Variants in DNAH8 observed in about 807,000 individuals in gnomAD.
DNAH8 encodes the protein dynein axonemal heavy chain 8.
Under a neutral mutation model 562.1 loss-of-function variants are expected in DNAH8, and 382 were observed. The ratio of observed to expected loss-of-function variants is 0.68; its 90% CI spans 0.63 to 0.74. The LOEUF is 0.74. Among genes scored for constraint, DNAH8 ranks in the 30% least tolerant of loss-of-function variants. DNAH8 has a pLI of 0.00. For synonymous variants in DNAH8, 1,881 were observed against 1,919.4 expected (o/e 0.98, Z 0.52); for missense variants, 5,203 against 5,620.4 (o/e 0.93, Z 2.37).
chr6:39,007,441 A>T (rs1765866478), intron 88 of DNAH8, among the ~76,000 whole-genome samples: 1 of 152,242 alleles, frequency 6.6e-6, no homozygotes, highest in African/African-American at 2.4e-5. Context: ...TAACATCTGG[A>T]CAAGAGACAA....
At chr6:38,921,577 A>G (rs1000590488) in intron 71 of DNAH8, 71 bp downstream of exon 71, 29 of 1,490,880 alleles carry the variant, frequency 1.9e-5, no homozygotes, top group African/African-American at 2.8e-5. Flanking sequence ...TATATTTGGA[A>G]ATCAGGCAAA....
rs549441258 is a variant in DNAH8 at position 38,718,291 on chromosome 6, G to A, written c.-35+2876G>A. 1.1e-3 allele frequency among the ~76,000 whole-genome samples: 168 copies of A among 152,212 alleles called. 1 individual carries two copies. The highest frequency in any genetic ancestry group is 3.9e-3 in the African/African-American group (162 of 41,528). On this transcript the variant is annotated intron_variant, in intron 1 of 92. Transcript: ENST00000327475. ...TTGTATATCTATCTATATATAGTTG[G>A]TAAGATTTTTTCATTTTTGCTACAG...
At chr6:38,913,813 T>C in intron 66 of DNAH8, 36 bp from the exon 67 acceptor site, 5 of 1,442,438 alleles carry the variant, frequency 3.5e-6, no homozygotes, top group Non-Finnish European at 4.9e-6. Flanking sequence ...CATATACCTG[T>C]ACTCAGTAAA....
intron 43 of DNAH8, among the ~76,000 whole-genome samples, chr6:38,861,286 C>T (rs1297865481): frequency 6.6e-6 from 1 of 152,150 alleles, no homozygotes; most frequent in African/African-American, 2.4e-5. Flanking sequence ...CTTTTATATG[C>T]CCAGTGCCAT....
intron 28 of DNAH8, among the ~76,000 whole-genome samples, chr6:38,825,933 A>G (rs1432827947): frequency 6.6e-6 from 1 of 152,194 alleles, no homozygotes. Context: ...TGTGGTGTCA[A>G]ACTCATGCAC....
chr6:38,925,403 A>G (rs1383282491), intron 73 of DNAH8, among the ~76,000 whole-genome samples: 1 of 151,438 alleles, frequency 6.6e-6, no homozygotes, highest in Non-Finnish European at 1.5e-5. Flanking sequence ...TGCTGTGATC[A>G]TGGCTCACAG....
chr6:38,896,318 A>T, intron 60 of DNAH8, 93 bp downstream of exon 60: 1 of 1,067,558 alleles, frequency 9.4e-7, no homozygotes, highest in Non-Finnish European at 1.4e-6. Context: ...GAGTTGCTAT[A>T]ATTCCAGCAC....
intron 42 of DNAH8, among the ~76,000 whole-genome samples, chr6:38,858,300 C>T (rs76244122): frequency 0.02 from 3,042 of 152,252 alleles, 124 homozygotes; most frequent in African/African-American, 0.069. Context: ...TCCCATTTAA[C>T]TCCTATTGCT....
chr6:38,937,349 T>C (rs1708216974), intron 77 of DNAH8, among the ~76,000 whole-genome samples: 1 of 121,652 alleles, frequency 8.2e-6, no homozygotes, highest in Admixed American at 7.9e-5. Flanking sequence ...GAACTTAAAG[T>C]ATAATAAAAA....
At chr6:38,989,516 G>A (rs1764638190) in intron 87 of DNAH8, among the ~76,000 whole-genome samples, 1 of 152,214 alleles carries the variant, frequency 6.6e-6, no homozygotes, top group African/African-American at 2.4e-5. Flanking sequence ...ACTCAAGGTG[G>A]GAGGGGAGAG....
intron 79 of DNAH8, among the ~76,000 whole-genome samples, chr6:38,939,426 A>G (rs12190140): frequency 0.24 from 35,820 of 152,212 alleles, 5,371 homozygotes; most frequent in Non-Finnish European, 0.34. Context: ...AGGAGACAAA[A>G]GAATGGAATT....
At chr6:38,950,204 G>GTA (rs1761772920) in intron 81 of DNAH8, among the ~76,000 whole-genome samples, 1 of 151,456 alleles carries the variant, frequency 6.6e-6, no homozygotes, top group African/African-American at 2.4e-5. Context: ...GTGTGTGTGT[G>GTA]TGTGTGTGTG....
intron 46 of DNAH8, 40 bp downstream of exon 46, chr6:38,866,717 C>T: frequency 2.5e-6 from 4 of 1,597,540 alleles, no homozygotes; most frequent in Non-Finnish European, 1.7e-6. Flanking sequence ...GCTTTATGTT[C>T]TTTACTTGTT....
Position 38,875,580 on chromosome 6 carries a change from A to T in DNAH8, c.7621-11A>T. The T allele has an allele frequency of 7.0e-7, 1 of 1,430,218 alleles. No homozygotes were observed. The highest frequency in any genetic ancestry group is 9.4e-7 in the Non-Finnish European group (1 of 1,061,176). 88.6% of individuals were successfully genotyped at this position (1,430,218 alleles called of 1,614,324 possible). A position where few individuals can be genotyped will look rare whatever the true frequency, so the allele number is the denominator to read the frequency against. Reference sequence around the variant, plus strand: ...TAATTTAAAAATTTATTTTATTTGAAACATTTTCAGTCTCTCAATCTTCTG... The same window carrying T: ...TAATTTAAAAATTTATTTTATTTGATACATTTTCAGTCTCTCAATCTTCTG... On this transcript the variant is annotated splice_polypyrimidine_tract_variant and intron_variant, in intron 52 of 92. Coordinates refer to ENST00000327475, the MANE Select transcript of DNAH8 (RefSeq NM_001206927.2).
rs116051269 is a variant in DNAH8, at chr6:38,869,183, A to G, written c.6828+987A>G. ...AGGTGTATCGTCTTATTTGAGCCTC[A>G]CAGCAACTCTGTGGGGTCTGGATGG... On this transcript the variant is annotated intron_variant, in intron 48 of 92. Coordinates refer to ENST00000327475, the MANE Select transcript of DNAH8 (RefSeq NM_001206927.2). 5.0e-3 allele frequency among the ~76,000 whole-genome samples: 763 copies of G among 152,294 alleles called. 6 individuals are homozygous for G. The highest frequency in any genetic ancestry group is 0.018 in the African/African-American group (740 of 41,560).
intron 20 of DNAH8, 98 bp from the exon 21 acceptor site, chr6:38,791,457 G>C: frequency 1.5e-6 from 2 of 1,364,020 alleles, no homozygotes; most frequent in Non-Finnish European, 2.0e-6. Context: ...TCTAGACTTA[G>C]CCTTCTAAAT....
At chr6:38,824,086 T>C (rs1013567277) in intron 28 of DNAH8, among the ~76,000 whole-genome samples, 5 of 152,172 alleles carry the variant, frequency 3.3e-5, no homozygotes, top group Non-Finnish European at 7.3e-5. Context: ...CTCAAACAGT[T>C]TGAAGTCTGC....
chr6:38,835,848 T>G (rs996960361), intron 32 of DNAH8, among the ~76,000 whole-genome samples: 1 of 152,068 alleles, frequency 6.6e-6, no homozygotes, highest in Non-Finnish European at 1.5e-5. Flanking sequence ...GGGAGTGATA[T>G]GATCATACTT....
In DNAH8 at chr6:38,873,759, CACACACACA is replaced by C. The variant is rs1777673383; in HGVS notation, c.7620+384_7620+392del. On this transcript the variant is annotated intron_variant, in intron 52 of 92. Coordinates refer to ENST00000327475, the MANE Select transcript of DNAH8 (RefSeq NM_001206927.2). ...ACACACACACACACACACACACACA[CACACACACA>C]CCCCTGCACTCCAGCTGGGGCGACA... Among the ~76,000 whole-genome samples, 8 of 52,166 alleles carry C rather than the reference CACACACACA, an allele frequency of 1.5e-4. No individual in the cohort carries two copies. In the South Asian group the frequency reaches 6.3e-3, roughly 41 times the overall value. The allele number at this position is 52,166 out of a possible 152,430, so 34.2% of individuals were successfully genotyped here. A position where few individuals can be genotyped will look rare whatever the true frequency, so the allele number is the denominator to read the frequency against.
Sources: gnomAD v4.1 joint callset for allele counts (sites outside exome capture counted in the v4.1 genomes callset) on GRCh38, gnomAD v4.1.1 for gene constraint, MANE v1.5 for transcripts, NCBI Gene and HGNC (gene_info 2026-07-23, HGNC 2026-07-21) for gene names.